Variants in GLIS3 observed in about 807,000 individuals in gnomAD.
GLIS3 encodes GLIS family zinc finger 3.
GLIS3 carries 53 observed loss-of-function variants against 78.6 expected under a neutral mutation model. That is an observed-to-expected ratio of 0.67 (90% CI 0.54 to 0.85). The LOEUF (loss-of-function observed/expected upper bound fraction) is 0.85. Ranked by LOEUF, GLIS3 falls within the 40% of genes least tolerant of loss-of-function variation. The pLI is 0.00. For synonymous variants in GLIS3, 684 were observed against 509.9 expected, an observed-to-expected ratio of 1.34 and a Z score of -4.60; for missense variants, 1,703 against 1,231.1, an observed-to-expected ratio of 1.38 and a Z score of -5.74.
chr9:4,490,188 G>T, the GLIS3 span, among the ~76,000 whole-genome samples: 5 of 152,252 alleles, frequency 3.3e-5, no homozygotes, highest in African/African-American at 4.8e-5. Context: ...AGGGACAGAA[G>T]AAAACCCTTA....
chr9:4,125,908 A>G lies in GLIS3; in HGVS notation c.422T>C (p.Ile141Thr), dbSNP rs202165554. The change falls in exon 3 of 11, where the codon ATT becomes ACT. Residue 141 changes from isoleucine (I) to threonine (T), a missense_variant. Transcript: ENST00000381971. ...ALGFGPQCKS[I>T]GKGSCNNLVV... is the part of the protein sequence containing the mutation. ...TAGATTGTTGCAGCTGCCTTTTCCAATGGACTTGCACTGAGGCCCAAAGCC... is the reference window on the plus strand; with the variant it reads ...TAGATTGTTGCAGCTGCCTTTTCCAGTGGACTTGCACTGAGGCCCAAAGCC... 2.8e-4 allele frequency: 451 copies of G among 1,613,850 alleles called. 1 individual carries two copies. The highest frequency in any genetic ancestry group is 3.4e-4 in the Non-Finnish European group (404 of 1,179,920).
At chr9:4,021,901 T>C (rs982051741) in intron 4 of GLIS3, among the ~76,000 whole-genome samples, 1 of 152,168 alleles carries the variant, frequency 6.6e-6, no homozygotes, top group African/African-American at 2.4e-5. Context: ...CCAGCGGTTA[T>C]TTGGGTACCC....
intron 2 of GLIS3, among the ~76,000 whole-genome samples, chr9:4,283,717 T>C (rs1827754927): frequency 6.6e-6 from 1 of 152,182 alleles, no homozygotes; most frequent in South Asian, 2.1e-4. Context: ...ATGATCAAAG[T>C]TCAAATAATC....
At chr9:4,348,269 T>A (rs1456434065) in exon 1 of GLIS3, 1 of 152,242 alleles carries the variant, frequency 6.6e-6, no homozygotes, top group African/African-American at 2.4e-5. Context: ...CATGCTAATA[T>A]GGTGTCTTCA....
chr9:4,268,559 A>T (rs768266621), intron 2 of GLIS3, among the ~76,000 whole-genome samples: 4 of 152,226 alleles, frequency 2.6e-5, no homozygotes, highest in Non-Finnish European at 5.9e-5. Flanking sequence ...AGACCTAAGT[A>T]GTCCCATCAT....
chr9:4,152,032 C>A (rs181928862), intron 2 of GLIS3: 3 of 483,110 alleles, frequency 6.2e-6, no homozygotes, highest in Admixed American at 6.4e-5. Flanking sequence ...TATGAAAAAA[C>A]CAGAACCTCA....
chr9:4,255,706 G>C (rs1042025682), intron 2 of GLIS3, among the ~76,000 whole-genome samples: 5 of 152,130 alleles, frequency 3.3e-5, no homozygotes, highest in African/African-American at 7.2e-5. Context: ...CAAGAGCTAG[G>C]GGAAAGGGAG....
intron 4 of GLIS3, among the ~76,000 whole-genome samples, chr9:3,993,296 G>C (rs1425180757): frequency 6.6e-6 from 1 of 152,142 alleles, no homozygotes; most frequent in Non-Finnish European, 1.5e-5. Context: ...CAGTCAGAGA[G>C]GCAGGTGTAA....
intron 1 of GLIS3, chr9:4,298,297 C>G: frequency 6.6e-6 from 3 of 451,758 alleles, no homozygotes; most frequent in Non-Finnish European, 1.3e-5. Context: ...TTTCCTTTCG[C>G]TTCTCGCCTC....
chr9:3,954,134 C>G (rs1816928252), intron 4 of GLIS3, among the ~76,000 whole-genome samples: 1 of 152,146 alleles, frequency 6.6e-6, no homozygotes, highest in Non-Finnish European at 1.5e-5. Flanking sequence ...ATTCCAGGGT[C>G]TCAATTTACT....
intron 2 of GLIS3, among the ~76,000 whole-genome samples, chr9:4,319,290 T>A (rs751016849): frequency 1.3e-5 from 2 of 152,178 alleles, no homozygotes; most frequent in Non-Finnish European, 2.9e-5. Flanking sequence ...TTCTAAAATT[T>A]TATGGCCATT....
chr9:4,265,678 T>C (rs911605971), intron 2 of GLIS3, among the ~76,000 whole-genome samples: 1 of 152,052 alleles, frequency 6.6e-6, no homozygotes, highest in African/African-American at 2.4e-5. Flanking sequence ...CAACTGGCCA[T>C]AGACTAATGC....
chr9:4,162,739 C>T (rs1835584731), intron 2 of GLIS3, among the ~76,000 whole-genome samples: 1 of 151,506 alleles, frequency 6.6e-6, no homozygotes, highest in African/African-American at 2.4e-5. Flanking sequence ...CACCTGTAAT[C>T]CCAGCTAGTC....
At position 3,999,093 on chromosome 9, in the gene GLIS3, C is replaced by T. The variant is rs147026851; in HGVS notation, c.1711-61904G>A. On this transcript the variant is annotated intron_variant, in intron 4 of 10. Coordinates refer to ENST00000381971, the MANE Select transcript of GLIS3 (RefSeq NM_001042413.2). Reference sequence around the variant, plus strand: ...TTAACAATTATCCTAGATATCGCACCACATCAGCTTATAGAAATATTCCTC... The same window carrying T: ...TTAACAATTATCCTAGATATCGCACTACATCAGCTTATAGAAATATTCCTC... 4.0e-3 allele frequency among the ~76,000 whole-genome samples: 609 copies of T among 152,154 alleles called. 8 individuals are homozygous for T. The highest frequency in any genetic ancestry group is 0.014 in the African/African-American group (584 of 41,542).
In GLIS3 at chr9:4,286,672, C is replaced by T. The variant is rs6476833; in HGVS notation, c.-98-149G>A. ...ATGTAGAAAAGGGTCCTCAAATACA[C>T]GGCTCATTGGCAGGCACTCTCCCCT... On this transcript the variant is annotated intron_variant, in intron 1 of 10. Transcript: ENST00000381971. 545,865 of 546,354 alleles carry T rather than the reference C, an allele frequency of 1. 272,693 individuals are homozygous for T. The highest frequency in any genetic ancestry group is 1 in the Middle Eastern group (1,976 of 1,976). 33.8% of individuals were successfully genotyped at this position (546,354 alleles called of 1,614,324 possible).
intron 2 of GLIS3, among the ~76,000 whole-genome samples, chr9:4,211,833 G>A (rs1306360650): frequency 1.3e-5 from 2 of 152,176 alleles, no homozygotes; most frequent in African/African-American, 4.8e-5. Context: ...AATGTTATTT[G>A]ACAATAAAAA....
chr9:3,879,782 G>C (rs1046879557), intron 7 of GLIS3, among the ~76,000 whole-genome samples, 187 bp from the exon 8 acceptor site: 3 of 152,072 alleles, frequency 2.0e-5, no homozygotes, highest in Middle Eastern at 3.2e-3. Context: ...AGGTTCCTCC[G>C]GAGCTCACGT....
intron 4 of GLIS3, among the ~76,000 whole-genome samples, chr9:3,985,113 A>G (rs967337177): frequency 6.6e-6 from 1 of 150,520 alleles, no homozygotes; most frequent in Non-Finnish European, 1.5e-5. Context: ...AAAAAAACCC[A>G]TTTTTCCTCA....
At chr9:4,259,488 G>C (rs901827282) in intron 2 of GLIS3, among the ~76,000 whole-genome samples, 2 of 152,052 alleles carry the variant, frequency 1.3e-5, no homozygotes, top group Non-Finnish European at 2.9e-5. Flanking sequence ...GATGGGAGGA[G>C]TTTAAGTTGA....
Sources: gnomAD v4.1 joint callset for allele counts (sites outside exome capture counted in the v4.1 genomes callset) on GRCh38, gnomAD v4.1.1 for gene constraint, MANE v1.5 for transcripts, NCBI Gene and HGNC (gene_info 2026-07-23, HGNC 2026-07-21) for gene names.